Variants in CDH23 observed in about 807,000 individuals in gnomAD.
CDH23 encodes the protein cadherin related 23, also known as cadherin-23.
A neutral mutation model predicts 317.1 loss-of-function variants in CDH23; 189 were observed. The ratio of observed to expected loss-of-function variants is 0.60; its 90% CI spans 0.53 to 0.67. CDH23 has a LOEUF of 0.67. Ranked by LOEUF, CDH23 falls within the 30% of genes least tolerant of loss-of-function variation. CDH23 has a pLI of 0.00. For synonymous variants in CDH23, 1,839 were observed against 1,876.8 expected, an observed-to-expected ratio of 0.98 and a Z score of 0.52; for missense variants, 4,401 against 4,592.4, an observed-to-expected ratio of 0.96 and a Z score of 1.20.
chr10:71,657,664 C>G (rs1795540475), intron 14 of CDH23, among the ~76,000 whole-genome samples: 1 of 152,122 alleles, frequency 6.6e-6, no homozygotes, highest in South Asian at 2.1e-4. Context: ...AGCTGGACTT[C>G]CAGAGCCTGC....
chr10:71,580,716 C>G (rs1030787881), intron 9 of CDH23, among the ~76,000 whole-genome samples: 1 of 152,180 alleles, frequency 6.6e-6, no homozygotes, highest in Admixed American at 6.5e-5. Context: ...TTACCTATTT[C>G]GTGGGTGTTT....
chr10:71,514,522 C>T (rs893360760), intron 6 of CDH23, among the ~76,000 whole-genome samples: 3 of 152,078 alleles, frequency 2.0e-5, no homozygotes, highest in Non-Finnish European at 4.4e-5. Flanking sequence ...CATTGCCCCG[C>T]TGCCTGCCTC....
In CDH23 at chr10:71,793,272, G is replaced by T; in HGVS notation, c.6344G>T (p.Arg2115Leu). The T allele has an allele frequency of 1.9e-6, 3 of 1,613,920 alleles. No individual in the cohort carries two copies. The highest frequency in any genetic ancestry group is 2.5e-6 in the Non-Finnish European group (3 of 1,179,864). ...VYRIEAGAQD[R>L]FLIHLVTGVI... ...CGAATAGAAGCTGGGGCTCAGGACC[G>T]CTTCCTCATTCATCTGGTCACCGGG... Residue 2115 changes from arginine to leucine, a missense_variant, in exon 48 of 70, where the codon CGC becomes CTC. By Grantham distance (102) the Arg-to-Leu change is moderately radical (BLOSUM62 -2). Coordinates refer to ENST00000224721, the MANE Select transcript of CDH23 (RefSeq NM_022124.6).
At chr10:71,807,235 C>A (rs1251461100) in intron 57 of CDH23, 42 bp from the exon 58 acceptor site, 2 of 1,603,566 alleles carry the variant, frequency 1.2e-6, no homozygotes, top group Admixed American at 3.4e-5. Context: ...AAGCTCGGGT[C>A]TTCCCTTGGC....
intron 3 of CDH23, among the ~76,000 whole-genome samples, chr10:71,461,113 G>C (rs777270653): frequency 1.3e-5 from 2 of 152,204 alleles, no homozygotes; most frequent in Non-Finnish European, 2.9e-5. Flanking sequence ...TCCACCCTGG[G>C]TGTTTGTCCT....
chr10:71,439,786 C>T, intron 1 of CDH23, 41 bp from the exon 2 acceptor site: 5 of 1,476,310 alleles, frequency 3.4e-6, no homozygotes, highest in Non-Finnish European at 4.6e-6. Flanking sequence ...CTCTGCCACC[C>T]AGGAAGCTTC....
At chr10:71,705,265 A>T in intron 25 of CDH23, 135 bp downstream of exon 25, 1 of 816,242 alleles carries the variant, frequency 1.2e-6, no homozygotes, top group Non-Finnish European at 1.9e-6. Flanking sequence ...CTTGTTAATG[A>T]GGTGCCCTCC....
intron 6 of CDH23, among the ~76,000 whole-genome samples, chr10:71,564,330 G>T (rs1857282609): frequency 6.6e-6 from 1 of 152,160 alleles, no homozygotes; most frequent in South Asian, 2.1e-4. Context: ...TGGTGCCCAG[G>T]ACCTGAAATG....
chr10:71,682,499 A>G lies in CDH23; in HGVS notation c.1913A>G (p.Tyr638Cys), dbSNP rs1864695456. The G allele has an allele frequency of 6.2e-7, 1 of 1,613,332 alleles. No individual in the cohort carries two copies. Among genetic ancestry groups the G allele is most frequent in the Non-Finnish European group, 8.5e-7 (1 of 1,179,622 alleles). Residue 638 changes from tyrosine to cysteine, a missense_variant, in exon 18 of 70, where the codon TAT (tyrosine) becomes TGT (cysteine). Around this residue, in one of 3 missense-constraint regions of CDH23, gnomAD observed 3,068 missense variants for 3,203.3 expected, o/e 0.96. Coordinates refer to ENST00000224721, the MANE Select transcript of CDH23 (RefSeq NM_022124.6). ...DYEQISNGLI[Y>C]LTVMAMDAGN... ...GAACAGATATCCAATGGGCTGATTT[A>G]TCTGACGGTCATGGCCATGGATGCT... is the stretch of plus-strand genomic sequence containing the variant.
intron 3 of CDH23, among the ~76,000 whole-genome samples, chr10:71,457,699 TG>T (rs1160293283): frequency 6.6e-6 from 1 of 152,266 alleles, no homozygotes; most frequent in Non-Finnish European, 1.5e-5. Flanking sequence ...TGCAACCGTG[TG>T]AGCCTGGGCA....
At position 71,732,140 on chromosome 10, in the gene CDH23, C is replaced by A. The variant is rs377222292; in HGVS notation, c.3869C>A (p.Pro1290Gln). Residue 1290 changes from proline to glutamine, a missense_variant, in exon 32 of 70, where the codon CCG (proline) becomes CAG (glutamine). Around this residue, in one of 3 missense-constraint regions of CDH23, gnomAD observed 3,068 missense variants for 3,203.3 expected, o/e 0.96. Coordinates refer to ENST00000224721, the MANE Select transcript of CDH23 (RefSeq NM_022124.6). ...MMNVSATDQA[P>Q]PFNQGFCSVY... is the part of the protein sequence containing the mutation. ...AATGTGTCGGCCACTGACCAGGCCC[C>A]GCCCTTCAACCAGGGCTTCTGCAGC... 8.1e-6 allele frequency: 13 copies of A among 1,614,024 alleles called. No individual in the cohort carries two copies. The highest frequency in any genetic ancestry group is 1.1e-5 in the Non-Finnish European group (13 of 1,179,888).
intron 1 of CDH23, among the ~76,000 whole-genome samples, chr10:71,399,958 G>T (rs1847706474): frequency 6.6e-6 from 1 of 151,954 alleles, no homozygotes; most frequent in Non-Finnish European, 1.5e-5. Flanking sequence ...CTCCCAGATG[G>T]GTGGATCAGC....
chr10:71,795,783 C>A, intron 48 of CDH23: 1 of 986,814 alleles, frequency 1.0e-6, no homozygotes, highest in Non-Finnish European at 1.2e-6. Flanking sequence ...CTGCTGCACC[C>A]TGAACTAACT....
At chr10:71,575,428 A>G (rs1034227171) in intron 8 of CDH23, among the ~76,000 whole-genome samples, 16 of 152,238 alleles carry the variant, frequency 1.1e-4, no homozygotes, top group African/African-American at 3.4e-4. Flanking sequence ...AAAACAAGGC[A>G]GAAAGAGGTT....
intron 14 of CDH23, among the ~76,000 whole-genome samples, chr10:71,648,157 C>T (rs1589295091): frequency 6.6e-6 from 1 of 152,332 alleles, no homozygotes; most frequent in East Asian, 1.9e-4. Context: ...GTTTTCTTCA[C>T]CTCCCGCGTC....
chr10:71,715,663 G>C (rs1866182607), intron 28 of CDH23: 1 of 321,356 alleles, frequency 3.1e-6, no homozygotes, highest in Non-Finnish European at 5.7e-6. Flanking sequence ...GGAGCCTCAG[G>C]CCAAAGGCCC....
At chr10:71,792,416 A>G (rs1841275430) in intron 47 of CDH23, among the ~76,000 whole-genome samples, 1 of 152,240 alleles carries the variant, frequency 6.6e-6, no homozygotes, top group Non-Finnish European at 1.5e-5. Context: ...GGTTCTAAGC[A>G]TAAAAGAAAA....
chr10:71,528,977 C>T (rs973029354), intron 6 of CDH23, among the ~76,000 whole-genome samples: 1 of 152,156 alleles, frequency 6.6e-6, no homozygotes, highest in South Asian at 2.1e-4. Flanking sequence ...TAGCACACGT[C>T]TGTTTCCCCT....
At chr10:71,665,651 G>A (rs183087591) in intron 14 of CDH23, among the ~76,000 whole-genome samples, 3 of 152,282 alleles carry the variant, frequency 2.0e-5, no homozygotes, top group Admixed American at 6.5e-5. Context: ...GAGGATGGAC[G>A]CTGGCACAAG....
Sources: gnomAD v4.1 joint callset for allele counts (sites outside exome capture counted in the v4.1 genomes callset) on GRCh38, gnomAD v4.1.1 for gene constraint, gnomAD v4.1.1 regional missense constraint, MANE v1.5 for transcripts, NCBI Gene and HGNC (gene_info 2026-07-23, HGNC 2026-07-21) for gene names.